ADGRL3: variants seen among roughly 807,000 people sequenced by gnomAD.
The protein encoded by ADGRL3 is adhesion G protein-coupled receptor L3, also known as calcium-independent alpha-latrotoxin receptor 3.
ADGRL3 carries 62 observed loss-of-function variants against 153.5 expected under a neutral mutation model. The observed-to-expected ratio is 0.40, with a 90% CI of 0.33 to 0.50. The LOEUF is 0.50. Ranked by LOEUF, ADGRL3 falls within the 20% of genes least tolerant of loss-of-function variation. ADGRL3 has a pLI of 0.47. For synonymous variants in ADGRL3, 710 were observed against 672.5 expected (o/e 1.06, Z -0.86); for missense variants, 1,641 against 1,859.4 (o/e 0.88, Z 2.16).
At chr4:61,300,978 T>G (rs1050875279) in intron 1 of ADGRL3, among the ~76,000 whole-genome samples, 2 of 152,136 alleles carry the variant, frequency 1.3e-5, no homozygotes, top group African/African-American at 4.8e-5. Flanking sequence ...TTGGCCAGTC[T>G]GGTTTTGAAC....
At chr4:62,029,087 A>C (rs1163339243) in intron 22 of ADGRL3, among the ~76,000 whole-genome samples, 1 of 151,684 alleles carries the variant, frequency 6.6e-6, no homozygotes, top group Non-Finnish European at 1.5e-5. Flanking sequence ...ATTCTGCTTC[A>C]CCTCTGTTAA....
chr4:61,910,228 C>G (rs1368918629), intron 12 of ADGRL3, among the ~76,000 whole-genome samples: 2 of 151,640 alleles, frequency 1.3e-5, no homozygotes, highest in African/African-American at 4.8e-5. Context: ...GATAATTTAT[C>G]CTAATTAATA....
At chr4:61,559,364 A>G (rs1242365896) in intron 4 of ADGRL3, among the ~76,000 whole-genome samples, 1 of 152,118 alleles carries the variant, frequency 6.6e-6, no homozygotes, top group Non-Finnish European at 1.5e-5. Context: ...GATGATTTGA[A>G]TATCTTCTGT....
chr4:61,790,375 C>T (rs1027274552), intron 8 of ADGRL3, among the ~76,000 whole-genome samples: 1 of 152,142 alleles, frequency 6.6e-6, no homozygotes, highest in African/African-American at 2.4e-5. Context: ...GTGGGAGATA[C>T]ATCCCAAGAC....
intron 4 of ADGRL3, among the ~76,000 whole-genome samples, chr4:61,545,342 G>C (rs1266775613): frequency 2.6e-5 from 4 of 152,152 alleles, no homozygotes; most frequent in African/African-American, 9.7e-5. Context: ...GGAAAAAGTA[G>C]AAGCTGGGTT....
At chr4:61,776,800 G>A (rs191101821) in intron 8 of ADGRL3, among the ~76,000 whole-genome samples, 53 of 152,142 alleles carry the variant, frequency 3.5e-4, no homozygotes, top group African/African-American at 9.9e-4. Context: ...AATCTTTTCC[G>A]TGAGAACTTT....
intron 24 of ADGRL3, among the ~76,000 whole-genome samples, chr4:62,042,096 T>A (rs919990417): frequency 6.6e-6 from 1 of 152,032 alleles, no homozygotes; most frequent in Non-Finnish European, 1.5e-5. Flanking sequence ...TTTATATAGA[T>A]GTATATGCAC....
At chr4:61,670,245 G>T (rs1446224680) in intron 5 of ADGRL3, among the ~76,000 whole-genome samples, 1 of 151,996 alleles carries the variant, frequency 6.6e-6, no homozygotes, top group Non-Finnish European at 1.5e-5. Flanking sequence ...AGTGAGCTGA[G>T]ATCACACCAC....
At chr4:61,442,484 G>A (rs960960715) in intron 2 of ADGRL3, among the ~76,000 whole-genome samples, 20 of 152,156 alleles carry the variant, frequency 1.3e-4, no homozygotes, top group African/African-American at 4.8e-4. Flanking sequence ...AGATTGGGGA[G>A]GGTGAAAAGC....
intron 22 of ADGRL3, 89 bp from the exon 23 acceptor site, chr4:62,031,352 AT>A (rs777298840): frequency 1.0e-5 from 11 of 1,097,722 alleles, no homozygotes; most frequent in East Asian, 2.4e-5. Context: ...TTACTGTAAC[AT>A]TTTTTTCAGT....
At chr4:61,252,762 T>G (rs556909610) in intron 1 of ADGRL3, among the ~76,000 whole-genome samples, 4 of 152,034 alleles carry the variant, frequency 2.6e-5, no homozygotes, top group Non-Finnish European at 5.9e-5. Context: ...TTAATGATAC[T>G]ATTCTAAACT....
chr4:61,971,698 G>A (rs1451542103), intron 17 of ADGRL3, among the ~76,000 whole-genome samples: 1 of 152,118 alleles, frequency 6.6e-6, no homozygotes, highest in Non-Finnish European at 1.5e-5. Flanking sequence ...GTGTCAAATG[G>A]TATTTCTAGT....
intron 6 of ADGRL3, among the ~76,000 whole-genome samples, chr4:61,724,579 G>A (rs6840548): frequency 0.7 from 107,192 of 152,068 alleles, 38,802 homozygotes; most frequent in East Asian, 0.93. Context: ...CCATTGTAAT[G>A]CAAGGTACTT....
chr4:61,729,969 G>T (rs373797354), intron 6 of ADGRL3, among the ~76,000 whole-genome samples: 54 of 152,072 alleles, frequency 3.6e-4, no homozygotes, highest in African/African-American at 1.3e-3. Context: ...CTGAAGCACA[G>T]TATTTTTCCA....
intron 1 of ADGRL3, among the ~76,000 whole-genome samples, chr4:61,367,074 A>G (rs569052533): frequency 1.3e-4 from 20 of 152,134 alleles, no homozygotes; most frequent in Non-Finnish European, 2.5e-4. Context: ...TTAATTTGTC[A>G]TCCATTTTAA....
chr4:61,344,563 A>G (rs1338318563), intron 1 of ADGRL3, among the ~76,000 whole-genome samples: 1 of 152,278 alleles, frequency 6.6e-6, no homozygotes, highest in African/African-American at 2.4e-5. Flanking sequence ...CTGAAACTCA[A>G]GAAAGCTATA....
chr4:61,844,191 G>T (rs745616551), intron 9 of ADGRL3, among the ~76,000 whole-genome samples: 14 of 151,694 alleles, frequency 9.2e-5, no homozygotes, highest in Non-Finnish European at 1.5e-4. Flanking sequence ...GAATATAGTG[G>T]CTGCTAACAG....
chr4:61,402,436 G>C (rs1011774717), intron 2 of ADGRL3, among the ~76,000 whole-genome samples: 1 of 152,100 alleles, frequency 6.6e-6, no homozygotes, highest in African/African-American at 2.4e-5. Context: ...GGTTCAATAA[G>C]TAGCACTGTT....
At chr4:61,654,145 T>C (rs979510226) in intron 5 of ADGRL3, among the ~76,000 whole-genome samples, 2 of 152,232 alleles carry the variant, frequency 1.3e-5, no homozygotes, top group Non-Finnish European at 2.9e-5. Context: ...GCTAAATTTT[T>C]AATTTCTCAT....
Sources: gnomAD v4.1 joint callset for allele counts (sites outside exome capture counted in the v4.1 genomes callset) on GRCh38, gnomAD v4.1.1 for gene constraint, MANE v1.5 for transcripts, NCBI Gene and HGNC (gene_info 2026-07-23, HGNC 2026-07-21) for gene names.